Variants in SAMD3 observed in about 807,000 individuals in gnomAD.
The protein encoded by SAMD3 is sterile alpha motif domain containing 3.
In SAMD3, 63 loss-of-function variants were observed where a neutral mutation model predicts 58.5. The observed-to-expected ratio is 1.08, with a 90% CI of 0.88 to 1.33. The LOEUF (loss-of-function observed/expected upper bound fraction) is 1.33. Among genes scored for constraint, SAMD3 ranks in the 40% most tolerant of loss-of-function variants. SAMD3 has a pLI of 0.00. For missense variants in SAMD3, 604 were observed against 608.4 expected, an observed-to-expected ratio of 0.99 and a Z score of 0.08; for synonymous variants, 220 against 210.3, an observed-to-expected ratio of 1.05 and a Z score of -0.40.
chr6:130,187,326 T>C (rs910158793), intron 5 of SAMD3, among the ~76,000 whole-genome samples: 2 of 152,042 alleles, frequency 1.3e-5, no homozygotes, highest in Non-Finnish European at 2.9e-5. Context: ...TTTTTCAGTG[T>C]CGGGGCGGAG....
At chr6:130,307,885 G>A (rs1441009714) in intron 2 of SAMD3, among the ~76,000 whole-genome samples, 1 of 152,174 alleles carries the variant, frequency 6.6e-6, no homozygotes, top group Non-Finnish European at 1.5e-5. Flanking sequence ...TAAAAAACCA[G>A]TTTGTGTATA....
At chr6:130,305,280 C>A (rs1583075354) in intron 2 of SAMD3, among the ~76,000 whole-genome samples, 1 of 152,258 alleles carries the variant, frequency 6.6e-6, no homozygotes, top group East Asian at 1.9e-4. Flanking sequence ...TCTAGCAACA[C>A]TGCTAAACTC....
At chr6:130,181,451 CCTT>C (rs1187824896) in intron 7 of SAMD3, among the ~76,000 whole-genome samples, 5 of 152,134 alleles carry the variant, frequency 3.3e-5, no homozygotes, top group African/African-American at 1.2e-4. Flanking sequence ...CAGAGTTTCT[CCTT>C]CTACTCTATG....
At position 130,360,368 on chromosome 6, in the gene SAMD3, A is replaced by T. The variant is rs182965950; in HGVS notation, c.-304+4752T>A. The stretch of plus-strand genomic sequence containing the variant: ...TAAGTGTCGGCCAGGTTGAGAAATA[A>T]AGGGACAGAGCACAAAAGAGAGAAA... On this transcript the variant is annotated intron_variant, in intron 1 of 13. Coordinates refer to the SAMD3 transcript ENST00000368134. Among the ~76,000 whole-genome samples the T allele has an allele frequency of 3.9e-4, 59 of 152,336 alleles. 1 individual carries two copies. Among genetic ancestry groups the T allele is most frequent in the Admixed American group, 3.4e-3 (52 of 15,306 alleles).
At chr6:130,363,743 T>C (rs539287963) in intron 1 of SAMD3, among the ~76,000 whole-genome samples, 3 of 152,332 alleles carry the variant, frequency 2.0e-5, no homozygotes, top group Admixed American at 1.3e-4. Flanking sequence ...CTTTCTACTA[T>C]GCACTCTTAT....
intron 2 of SAMD3, among the ~76,000 whole-genome samples, chr6:130,284,142 C>G (rs1271610511): frequency 1.3e-5 from 2 of 152,204 alleles, no homozygotes; most frequent in Non-Finnish European, 2.9e-5. Flanking sequence ...CGTGAGCCAC[C>G]ATGCCCGGCC....
chr6:130,182,416 T>G (rs191841750), intron 7 of SAMD3, among the ~76,000 whole-genome samples: 1 of 152,164 alleles, frequency 6.6e-6, no homozygotes, highest in Non-Finnish European at 1.5e-5. Flanking sequence ...ATACAACATC[T>G]TTCCTCAGTC....
chr6:130,145,860 T>G (rs1176127614), intron 10 of SAMD3, 150 bp downstream of exon 10: 2 of 264,210 alleles, frequency 7.6e-6, no homozygotes, highest in Non-Finnish European at 1.4e-5. Flanking sequence ...ATTAAATATA[T>G]TTTAGTAATG....
intron 5 of SAMD3, among the ~76,000 whole-genome samples, chr6:130,194,482 G>A (rs1479036025): frequency 1.3e-5 from 2 of 152,032 alleles, no homozygotes; most frequent in African/African-American, 4.8e-5. Context: ...TACAATAATA[G>A]AAAAAAGTTG....
intron 9 of SAMD3, among the ~76,000 whole-genome samples, chr6:130,152,380 T>C (rs1789292334): frequency 6.6e-6 from 1 of 151,884 alleles, no homozygotes; most frequent in South Asian, 2.1e-4. Context: ...TTCGTTCTTT[T>C]GTCTAAAACA....
chr6:130,219,483 C>T (rs1274837765), intron 1 of SAMD3, among the ~76,000 whole-genome samples: 2 of 152,188 alleles, frequency 1.3e-5, no homozygotes, highest in Non-Finnish European at 2.9e-5. Flanking sequence ...ATCTCTCACC[C>T]TTTTCCCCAC....
At chr6:130,295,523 CTGTT>C (rs1395981900) in intron 2 of SAMD3, among the ~76,000 whole-genome samples, 1 of 152,134 alleles carries the variant, frequency 6.6e-6, no homozygotes, top group Non-Finnish European at 1.5e-5. Flanking sequence ...AAGAACTTGA[CTGTT>C]TGTAACTTAC....
chr6:130,303,485 C>A (rs1249244926), intron 2 of SAMD3, among the ~76,000 whole-genome samples: 2 of 152,116 alleles, frequency 1.3e-5, no homozygotes. Context: ...TGAACCTTTT[C>A]CTCTCCCAGG....
intron 2 of SAMD3, among the ~76,000 whole-genome samples, chr6:130,276,596 A>T (rs1223527352): frequency 2.6e-5 from 4 of 152,188 alleles, no homozygotes; most frequent in Non-Finnish European, 4.4e-5. Flanking sequence ...AGAATAAGTA[A>T]CACAGAGTAA....
chr6:130,238,984 C>A (rs142401810), intron 2 of SAMD3, among the ~76,000 whole-genome samples: 1 of 152,144 alleles, frequency 6.6e-6, no homozygotes, highest in Non-Finnish European at 1.5e-5. Flanking sequence ...GTCTCAAACT[C>A]CTGATCTCAA....
At chr6:130,254,661 C>A (rs1773866282) in intron 2 of SAMD3, among the ~76,000 whole-genome samples, 1 of 146,670 alleles carries the variant, frequency 6.8e-6, no homozygotes, top group Admixed American at 6.9e-5. Flanking sequence ...CCTGATTTTT[C>A]CTCCTTATAC....
chr6:130,155,962 C>T (rs1371010336), intron 8 of SAMD3, among the ~76,000 whole-genome samples: 1 of 151,984 alleles, frequency 6.6e-6, no homozygotes, highest in Admixed American at 6.6e-5. Flanking sequence ...AAGAAAATAC[C>T]AAGAAAGACT....
At chr6:130,335,037 G>T (rs557596263) in intron 1 of SAMD3, among the ~76,000 whole-genome samples, 1 of 152,310 alleles carries the variant, frequency 6.6e-6, no homozygotes, top group Non-Finnish European at 1.5e-5. Flanking sequence ...TCTCTGAGCT[G>T]CAGGGGATGG....
chr6:130,363,168 C>T (rs1778035609), intron 1 of SAMD3, among the ~76,000 whole-genome samples: 1 of 152,120 alleles, frequency 6.6e-6, no homozygotes, highest in Non-Finnish European at 1.5e-5. Context: ...ATCTAGCAAA[C>T]AATTCTATTT....
Sources: allele counts gnomAD v4.1 joint callset (sites outside exome capture counted in the v4.1 genomes callset), GRCh38; gene constraint gnomAD v4.1.1; transcripts MANE v1.5; gene names NCBI Gene and HGNC (gene_info 2026-07-23, HGNC 2026-07-21).